Variants in PSTPIP1 observed in about 807,000 individuals in gnomAD.
PSTPIP1 encodes the protein proline-serine-threonine phosphatase interacting protein 1.
In PSTPIP1, 66 loss-of-function variants were observed where a neutral mutation model predicts 69.6. That is an observed-to-expected ratio of 0.95 (90% CI 0.78 to 1.16). The LOEUF (loss-of-function observed/expected upper bound fraction) is 1.16, where lower values mean the gene tolerates loss of function less well. Among genes scored for constraint, PSTPIP1 ranks in the 50% most tolerant of loss-of-function variants. PSTPIP1 has a pLI of 0.00. For synonymous variants in PSTPIP1, 266 were observed against 222.7 expected (o/e 1.19, Z -1.73); for missense variants, 603 against 557.4 (o/e 1.08, Z -0.82).
At chr15:77,026,224 G>A (rs2076278861) in intron 5 of PSTPIP1, 1 of 455,734 alleles carries the variant, frequency 2.2e-6, no homozygotes. Flanking sequence ...CAGGGCTGAA[G>A]TTGGATATAG....
chr15:77,035,780 C>A, intron 13 of PSTPIP1, 22 bp from the exon 14 acceptor site: 1 of 1,599,174 alleles, frequency 6.3e-7, no homozygotes. Flanking sequence ...GGGGAGGGGT[C>A]TATGTCTCAC....
intron 6 of PSTPIP1, chr15:77,028,279 G>A: frequency 2.0e-6 from 1 of 503,878 alleles, no homozygotes; most frequent in Non-Finnish European, 3.6e-6. Context: ...GTGGCGAGGG[G>A]CGTGCCCTCG....
chr15:77,008,192 T>TG, intron 1 of PSTPIP1: 2 of 381,894 alleles, frequency 5.2e-6, no homozygotes, highest in Non-Finnish European at 5.3e-6. Context: ...GCACAGGGTG[T>TG]GGGTGGGGTG....
At chr15:77,012,539 A>G (rs1175079402) in intron 1 of PSTPIP1, among the ~76,000 whole-genome samples, 2 of 151,690 alleles carry the variant, frequency 1.3e-5, no homozygotes, top group South Asian at 4.1e-4. Flanking sequence ...TCATCCATCC[A>G]TCCATCCATC....
intron 1 of PSTPIP1, among the ~76,000 whole-genome samples, chr15:77,011,673 A>G (rs1444856776): frequency 1.3e-5 from 2 of 152,062 alleles, no homozygotes; most frequent in East Asian, 3.9e-4. Flanking sequence ...TCCCATATTT[A>G]TTTGCTTATA....
At chr15:77,004,334 G>A (rs2075772599) in intron 1 of PSTPIP1, among the ~76,000 whole-genome samples, 1 of 152,224 alleles carries the variant, frequency 6.6e-6, no homozygotes, top group Non-Finnish European at 1.5e-5. Context: ...GTGTTGACAG[G>A]CCACCCACCA....
At chr15:77,001,668 C>A (rs1352542957) in intron 1 of PSTPIP1, among the ~76,000 whole-genome samples, 1 of 152,244 alleles carries the variant, frequency 6.6e-6, no homozygotes, top group Non-Finnish European at 1.5e-5. Context: ...CTCTCCCTTT[C>A]CTGATTGGGA....
At chr15:76,997,361 A>C (rs1234360809) in intron 1 of PSTPIP1, among the ~76,000 whole-genome samples, 15 of 152,042 alleles carry the variant, frequency 9.9e-5, no homozygotes, top group Admixed American at 3.3e-4. Flanking sequence ...GATGCCCCGA[A>C]AGGTCACTGT....
intron 3 of PSTPIP1, among the ~76,000 whole-genome samples, chr15:77,022,257 C>T (rs2076176603): frequency 6.6e-6 from 1 of 152,206 alleles, no homozygotes; most frequent in African/African-American, 2.4e-5. Context: ...TCATCGTGGG[C>T]ACAGCCTCAG....
intron 1 of PSTPIP1, among the ~76,000 whole-genome samples, chr15:76,997,343 T>A (rs2075602477): frequency 6.6e-6 from 1 of 152,142 alleles, no homozygotes; most frequent in Non-Finnish European, 1.5e-5. Flanking sequence ...TCACACTGAG[T>A]CTGGGCCGAT....
At position 77,027,847 on chromosome 15, in the gene PSTPIP1, T is replaced by A. The variant is rs2152685369; in HGVS notation, c.355-5T>A. The A allele has an allele frequency of 2.6e-6, 4 of 1,564,348 alleles. No individual in the cohort carries two copies. The East Asian group carries it at 9.6e-5, about 38-fold the overall frequency. On this transcript the variant is annotated splice_polypyrimidine_tract_variant and splice_region_variant and intron_variant, in intron 5 of 14. Coordinates refer to ENST00000558012, the MANE Select transcript of PSTPIP1 (RefSeq NM_003978.5). This position sits in a 1 kb window ranked among gnomAD's most constrained non-coding sequence, Gnocchi z 4.3. ...CCTCGGCTCAGAACCTCGTGTCCCC[T>A]GCAGTATGAGGCCGTCATGGACCGG... is the stretch of plus-strand genomic sequence containing the variant.
At chr15:77,002,499 T>G (rs2075731070) in intron 1 of PSTPIP1, among the ~76,000 whole-genome samples, 1 of 152,216 alleles carries the variant, frequency 6.6e-6, no homozygotes, top group Non-Finnish European at 1.5e-5. Context: ...AGTTGGTGTT[T>G]CTAGGCCAAA....
At position 77,030,531 on chromosome 15, in the gene PSTPIP1, C is replaced by G; in HGVS notation, c.592C>G (p.Leu198Val). ...GGTATACAGGCAGAGCATTGCGCAG[C>G]TGGAGAAGGTCCGGGCTGAGTGGGA... ...ERVYRQSIAQLEKVRAEWEQE... is the reference protein window; with the variant it reads ...ERVYRQSIAQVEKVRAEWEQE... Residue 198 changes from leucine to valine, a missense_variant, in exon 9 of 15, where the codon CTG becomes GTG. Coordinates refer to ENST00000558012, the MANE Select transcript of PSTPIP1 (RefSeq NM_003978.5). The G allele has an allele frequency of 6.2e-7, 1 of 1,612,564 alleles. No homozygotes were observed. Among genetic ancestry groups the G allele is most frequent in the Non-Finnish European group, 8.5e-7 (1 of 1,179,490 alleles).
chr15:77,023,298 G>A (rs879545463), intron 3 of PSTPIP1, among the ~76,000 whole-genome samples: 8 of 152,252 alleles, frequency 5.3e-5, no homozygotes, highest in Non-Finnish European at 8.8e-5. Context: ...GCTCAGAAAG[G>A]ACAAAAGAGG....
At chr15:76,996,588 A>T (rs989710921) in intron 1 of PSTPIP1, among the ~76,000 whole-genome samples, 1 of 152,134 alleles carries the variant, frequency 6.6e-6, no homozygotes, top group Non-Finnish European at 1.5e-5. Context: ...AGCCAGGAGG[A>T]TGAGAGCTAT....
chr15:77,035,751 G>C (rs2076548313), intron 13 of PSTPIP1, 51 bp from the exon 14 acceptor site: 10 of 1,473,888 alleles, frequency 6.8e-6, no homozygotes, highest in Admixed American at 6.6e-5. Context: ...AGGACTTCCA[G>C]GGGCCAGTGT....
At position 77,027,752 on chromosome 15, in the gene PSTPIP1, G is replaced by A. The variant is rs2076314133; in HGVS notation, c.355-100G>A. The A allele has an allele frequency of 2.2e-6, 3 of 1,390,934 alleles. No homozygotes were observed. Among genetic ancestry groups the A allele is most frequent in the East Asian group, 2.5e-5 (1 of 39,612 alleles). The allele number at this position is 1,390,934 out of a possible 1,614,324, so 86.2% of individuals were successfully genotyped here. On this transcript the variant is annotated intron_variant, in intron 5 of 14. Transcript: ENST00000558012. This position sits in a 1 kb window ranked among gnomAD's most constrained non-coding sequence, Gnocchi z 4.3. The stretch of plus-strand genomic sequence containing the variant: ...CCTGTCACCCTCTCTCCAGAGCCAG[G>A]AGAGGTGCTGCGCCTCATCCCAGGG...
chr15:76,995,244 C>T lies in PSTPIP1; in HGVS notation c.-330C>T, dbSNP rs983302337. On this transcript the variant is annotated 5_prime_UTR_variant, in exon 1 of 15. Transcript: ENST00000558012. Reference sequence around the variant, plus strand: ...CACCCAGGGCTGGCATCCCTGCTCCCTGCCCTGGGTCCCAGACTGTGTCCT... The same window carrying T: ...CACCCAGGGCTGGCATCCCTGCTCCTTGCCCTGGGTCCCAGACTGTGTCCT... 3.2e-6 allele frequency: 4 copies of T among 1,263,776 alleles called. No homozygotes were observed. Among genetic ancestry groups the T allele is most frequent in the Non-Finnish European group, 2.0e-6 (2 of 992,394 alleles). 78.3% of individuals were successfully genotyped at this position (1,263,776 alleles called of 1,614,324 possible). A position where few individuals can be genotyped will look rare whatever the true frequency, so the allele number is the denominator to read the frequency against.
At chr15:77,020,165 A>G (rs1490028090) in intron 3 of PSTPIP1, among the ~76,000 whole-genome samples, 1 of 152,176 alleles carries the variant, frequency 6.6e-6, no homozygotes, top group Admixed American at 6.5e-5. Context: ...GGGCCTCAGG[A>G]AGCAGGAGGT....
Sources: gnomAD v4.1 joint callset for allele counts (sites outside exome capture counted in the v4.1 genomes callset) on GRCh38, gnomAD v4.1.1 for gene constraint, Gnocchi (gnomAD v3.1) non-coding constraint, MANE v1.5 for transcripts, NCBI Gene and HGNC (gene_info 2026-07-23, HGNC 2026-07-21) for gene names.